Variants in CPPED1 observed in about 807,000 individuals in gnomAD.
CPPED1 encodes the protein serine/threonine-protein phosphatase CPPED1.
CPPED1 carries 28 observed loss-of-function variants against 28.0 expected under a neutral mutation model. The ratio of observed to expected loss-of-function variants is 1.00; its 90% CI spans 0.74 to 1.37. The LOEUF (loss-of-function observed/expected upper bound fraction) is 1.37. CPPED1 is among the 40% of genes most tolerant of loss of function. The pLI, the probability that CPPED1 is intolerant of heterozygous loss-of-function variation, is 0.00. For synonymous variants in CPPED1, 198 were observed against 180.2 expected (o/e 1.10, Z -0.79); for missense variants, 504 against 416.5 (o/e 1.21, Z -1.83).
At chr16:12,696,922 C>T (rs916637783) in intron 3 of CPPED1, among the ~76,000 whole-genome samples, 1 of 152,152 alleles carries the variant, frequency 6.6e-6, no homozygotes, top group Non-Finnish European at 1.5e-5. Flanking sequence ...TTATAGGACC[C>T]CCTGCCCACC....
rs1460561302 is a variant in CPPED1 at position 12,783,539 on chromosome 16, A to T, written c.71-2136T>A. Among the ~76,000 whole-genome samples the T allele has an allele frequency of 6.6e-5, 10 of 151,834 alleles. No homozygotes were observed. In the South Asian group the frequency reaches 1.0e-3, roughly 16 times the overall value. Reference sequence around the variant, plus strand: ...ATAAATAAATAAATAAATAAATAAGATAGGAAAGGCCTCTCTGAAGTGGTG... The same window carrying T: ...ATAAATAAATAAATAAATAAATAAGTTAGGAAAGGCCTCTCTGAAGTGGTG... On this transcript the variant is annotated intron_variant, in intron 1 of 3. Coordinates refer to ENST00000381774, the MANE Select transcript of CPPED1 (RefSeq NM_018340.3).
At chr16:12,685,547 A>G (rs2079928408) in intron 3 of CPPED1, among the ~76,000 whole-genome samples, 1 of 152,212 alleles carries the variant, frequency 6.6e-6, no homozygotes, top group Admixed American at 6.5e-5. Context: ...AACCCCTGGC[A>G]CACTGTCTAC....
chr16:12,774,385 T>C (rs2080485985), intron 2 of CPPED1, among the ~76,000 whole-genome samples: 1 of 151,930 alleles, frequency 6.6e-6, no homozygotes, highest in Non-Finnish European at 1.5e-5. Context: ...GGAGAATCAC[T>C]TGAACCCGGG....
chr16:12,735,104 C>A (rs1342432363), intron 2 of CPPED1, among the ~76,000 whole-genome samples: 1 of 152,198 alleles, frequency 6.6e-6, no homozygotes, highest in Non-Finnish European at 1.5e-5. Context: ...TGTGTTGCCA[C>A]TGTCCCAAGT....
intron 1 of CPPED1, among the ~76,000 whole-genome samples, chr16:12,790,700 G>T (rs992781140): frequency 6.6e-6 from 1 of 151,870 alleles, no homozygotes; most frequent in Non-Finnish European, 1.5e-5. Context: ...TGGCGGGGCG[G>T]GGGTTGGATC....
intron 2 of CPPED1, among the ~76,000 whole-genome samples, chr16:12,766,751 G>A (rs1387172656): frequency 3.9e-5 from 6 of 152,086 alleles, no homozygotes; most frequent in African/African-American, 9.6e-5. Context: ...CCTGGGTGAC[G>A]GATCAAGACT....
At chr16:12,776,590 G>A (rs2080499124) in intron 2 of CPPED1, among the ~76,000 whole-genome samples, 1 of 152,152 alleles carries the variant, frequency 6.6e-6, no homozygotes, top group South Asian at 2.1e-4. Flanking sequence ...GAGTTTCCCT[G>A]CACAAGTTCT....
intron 2 of CPPED1, among the ~76,000 whole-genome samples, chr16:12,736,733 C>A (rs1206392409): frequency 6.6e-6 from 1 of 152,174 alleles, no homozygotes; most frequent in Non-Finnish European, 1.5e-5. Context: ...ACTAAGAATA[C>A]AACAAAAGTG....
intron 2 of CPPED1, among the ~76,000 whole-genome samples, chr16:12,755,895 G>A (rs1007696411): frequency 7.2e-5 from 11 of 152,148 alleles, no homozygotes; most frequent in Admixed American, 6.5e-4. Flanking sequence ...CACTTTGGGA[G>A]GTCAAGGCGG....
chr16:12,755,497 G>A (rs988080060), intron 2 of CPPED1, among the ~76,000 whole-genome samples: 1 of 151,626 alleles, frequency 6.6e-6, no homozygotes, highest in African/African-American at 2.4e-5. Flanking sequence ...GCTGAGGCTG[G>A]TGTATGAACT....
chr16:12,670,521 A>T lies in CPPED1; in HGVS notation c.716-5406T>A, dbSNP rs2079848080. The stretch of plus-strand genomic sequence containing the variant: ...TTTAAAGAGAAGGTTAAAAAAAAAA[A>T]GAATGTATTTACAGTGAAGAAACTG... On this transcript the variant is annotated intron_variant, in intron 3 of 3. Transcript: ENST00000381774. This position sits in a 1 kb window ranked among gnomAD's most constrained non-coding sequence, Gnocchi z 4.2. Among the ~76,000 whole-genome samples, 1 of 152,108 alleles carries T rather than the reference A, an allele frequency of 6.6e-6. No homozygotes were observed. The highest frequency in any genetic ancestry group is 2.4e-5 in the African/African-American group (1 of 41,398).
At chr16:12,708,085 TGCAGTGA>T (rs1377610507) in intron 2 of CPPED1, among the ~76,000 whole-genome samples, 1 of 152,158 alleles carries the variant, frequency 6.6e-6, no homozygotes, top group African/African-American at 2.4e-5. Flanking sequence ...AGGCAGAGGT[TGCAGTGA>T]GCTGAGACCG....
At chr16:12,780,489 G>A (rs1043163725) in intron 2 of CPPED1, among the ~76,000 whole-genome samples, 2 of 152,082 alleles carry the variant, frequency 1.3e-5, no homozygotes, top group Non-Finnish European at 2.9e-5. Context: ...CTGGGACTTT[G>A]GACCATCCAG....
At chr16:12,699,279 C>A (rs2080007717) in intron 3 of CPPED1, among the ~76,000 whole-genome samples, 1 of 152,166 alleles carries the variant, frequency 6.6e-6, no homozygotes, top group South Asian at 2.1e-4. Context: ...TATATCTGTC[C>A]TGACCTGATA....
At chr16:12,686,541 GTGAAA>G (rs1235670838) in intron 3 of CPPED1, among the ~76,000 whole-genome samples, 1 of 152,174 alleles carries the variant, frequency 6.6e-6, no homozygotes, top group East Asian at 1.9e-4. Flanking sequence ...TTCTATTCCT[GTGAAA>G]TTGCTTTCCC....
chr16:12,690,557 C>T (rs990348768), intron 3 of CPPED1, among the ~76,000 whole-genome samples: 1 of 150,144 alleles, frequency 6.7e-6, no homozygotes, highest in Non-Finnish European at 1.5e-5. Context: ...TGGCTCATGC[C>T]TGTAATCCAA....
At chr16:12,732,784 C>T (rs1034237723) in intron 2 of CPPED1, among the ~76,000 whole-genome samples, 1 of 152,026 alleles carries the variant, frequency 6.6e-6, no homozygotes, top group Non-Finnish European at 1.5e-5. Flanking sequence ...CATTCTATAC[C>T]CAGCCAAACT....
intron 3 of CPPED1, among the ~76,000 whole-genome samples, chr16:12,685,839 G>A (rs1165979639): frequency 6.6e-6 from 1 of 152,204 alleles, no homozygotes; most frequent in Admixed American, 6.5e-5. Context: ...GGAAACCACG[G>A]GGGTGTCTGA....
intron 1 of CPPED1, among the ~76,000 whole-genome samples, chr16:12,801,606 T>A (rs1368802991): frequency 6.6e-6 from 1 of 152,016 alleles, no homozygotes; most frequent in Non-Finnish European, 1.5e-5. Flanking sequence ...CTTGTAGGTA[T>A]ATGCCTCAGA....
Sources: gnomAD v4.1 joint callset for allele counts (sites outside exome capture counted in the v4.1 genomes callset) on GRCh38, gnomAD v4.1.1 for gene constraint, Gnocchi (gnomAD v3.1) non-coding constraint, MANE v1.5 for transcripts, NCBI Gene and HGNC (gene_info 2026-07-23, HGNC 2026-07-21) for gene names.